The following RGCC variants were observed in gnomAD, a reference collection of about 807,000 sequenced individuals.
RGCC encodes the protein regulator of cell cycle RGCC.
Under a neutral mutation model 15.4 loss-of-function variants are expected in RGCC, and 15 were observed. That is an observed-to-expected ratio of 0.97 (90% CI 0.65 to 1.50). RGCC has a LOEUF of 1.50. Among genes scored for constraint, RGCC ranks in the 40% most tolerant of loss-of-function variants. The probability of loss-of-function intolerance (pLI) is 0.00; values close to 1 mark genes in which losing one functional copy is unlikely to be tolerated. For missense variants in RGCC, 176 were observed against 189.7 expected (o/e 0.93, Z 0.42); for synonymous variants, 81 against 78.0 (o/e 1.04, Z -0.20).
rs1352372330 is a variant in RGCC at position 41,458,067 on chromosome 13, A to G, written c.50-218A>G. 3.3e-5 allele frequency among the ~76,000 whole-genome samples: 5 copies of G among 152,300 alleles called. No individual in the cohort carries two copies. Among genetic ancestry groups the G allele is most frequent in the South Asian group, 2.1e-4 (1 of 4,832 alleles). On this transcript the variant is annotated intron_variant, in intron 1 of 4. Transcript: ENST00000379359. The surrounding 1 kb of genome is among the most constrained non-coding windows in gnomAD (Gnocchi z 4.4). ...CGCTGGGTGACCCTGGGCCTGGCGA[A>G]GGCTCAGTTTTCTTGTCTGTAAAAC... is the stretch of plus-strand genomic sequence containing the variant.
intron 4 of RGCC, 39 bp downstream of exon 4, chr13:41,468,877 A>C: frequency 7.1e-7 from 1 of 1,405,782 alleles, no homozygotes; most frequent in Non-Finnish European, 9.9e-7. Context: ...AAAAACAAAA[A>C]ACTAACAGAC....
chr13:41,461,489 C>A (rs767218833), intron 2 of RGCC, among the ~76,000 whole-genome samples: 10 of 152,076 alleles, frequency 6.6e-5, no homozygotes, highest in Admixed American at 6.5e-4. Context: ...AAGTTTTAAC[C>A]AGTGTGTTGA....
Position 41,458,376 on chromosome 13 carries a change from C to G in RGCC, c.141C>G (p.His47Gln). 1 of 1,597,864 alleles carries G rather than the reference C, an allele frequency of 6.3e-7. No individual in the cohort carries two copies. Among genetic ancestry groups the G allele is most frequent in the Non-Finnish European group, 8.5e-7 (1 of 1,177,670 alleles). The change falls in exon 2 of 5, where the codon CAC (histidine) becomes CAG (glutamine). Residue 47 changes from histidine to glutamine, a missense_variant. Coordinates refer to ENST00000379359, the MANE Select transcript of RGCC (RefSeq NM_014059.3). The surrounding 1 kb of genome is among the most constrained non-coding windows in gnomAD (Gnocchi z 4.4). ...AVLADFASPF[H>Q]ERHFHYEEHL... ...TGGCCGACTTCGCGTCGCCCTTCCA[C>G]GAGCGCCACTTCCACTACGAGGAGC... is the stretch of plus-strand genomic sequence containing the variant.
In RGCC at chr13:41,458,499, C is replaced by G; in HGVS notation, c.235+29C>G. The G allele has an allele frequency of 3.2e-6, 5 of 1,573,340 alleles. No homozygotes were observed. Among genetic ancestry groups the G allele is most frequent in the Non-Finnish European group, 4.3e-6 (5 of 1,165,582 alleles). ...AGTGCGGCCCCCGCTAGGATGGCGC[C>G]GGGATCTCCCAGCTCCCAGGACCTG... is the stretch of plus-strand genomic sequence containing the variant. On this transcript the variant is annotated intron_variant, in intron 2 of 4. Transcript: ENST00000379359. This position sits in a 1 kb window ranked among gnomAD's most constrained non-coding sequence, Gnocchi z 4.4.
At chr13:41,465,632 G>A (rs2043843512) in intron 2 of RGCC, among the ~76,000 whole-genome samples, 1 of 152,184 alleles carries the variant, frequency 6.6e-6, no homozygotes, top group South Asian at 2.1e-4. Context: ...TGAACTTCTG[G>A]GGCCTCATCT....
Position 41,470,723 on chromosome 13 carries a change from C to T in RGCC, c.*238C>T. The stretch of plus-strand genomic sequence containing the variant: ...AGCATATTAGAACAGACGATCCATG[C>T]TAATATTGTATTTTCTCTTAAAACA... On this transcript the variant is annotated 3_prime_UTR_variant, in exon 5 of 5. Transcript: ENST00000379359. 2 of 438,776 alleles carry T rather than the reference C, an allele frequency of 4.6e-6. No individual in the cohort carries two copies. The highest frequency in any genetic ancestry group is 1.1e-4 in the South Asian group (2 of 17,790). 27.2% of individuals were successfully genotyped at this position (438,776 alleles called of 1,614,324 possible). A position where few individuals can be genotyped will look rare whatever the true frequency, so the allele number is the denominator to read the frequency against.
At chr13:41,463,554 T>C (rs1175021941) in intron 2 of RGCC, among the ~76,000 whole-genome samples, 1 of 151,996 alleles carries the variant, frequency 6.6e-6, no homozygotes, top group African/African-American at 2.4e-5. Context: ...TGTGCTGCCA[T>C]GCCTCTGTTT....
Position 41,458,527 on chromosome 13 carries a change from C to T in RGCC, c.235+57C>T. 1 of 1,505,056 alleles carries T rather than the reference C, an allele frequency of 6.6e-7. No individual in the cohort carries two copies. 93.2% of individuals were successfully genotyped at this position (1,505,056 alleles called of 1,614,324 possible). The stretch of plus-strand genomic sequence containing the variant: ...GATCTCCCAGCTCCCAGGACCTGCC[C>T]CGCGAAGGCTGCGGCCTCAGTTTTC... On this transcript the variant is annotated intron_variant, in intron 2 of 4. Coordinates refer to ENST00000379359, the MANE Select transcript of RGCC (RefSeq NM_014059.3). The surrounding 1 kb of genome is among the most constrained non-coding windows in gnomAD (Gnocchi z 4.4).
In RGCC at chr13:41,468,640, A is replaced by T. The variant is rs552531616; in HGVS notation, c.344-136A>T. ...AAAGTCTCTGAAGATAAGGAGGTAG[A>T]TGTAAAATAGAAATAATCCATTCTA... On this transcript the variant is annotated intron_variant, in intron 3 of 4. Transcript: ENST00000379359. The T allele has an allele frequency of 3.1e-4, 212 of 689,282 alleles. No individual in the cohort carries two copies. In the African/African-American group the frequency reaches 3.7e-3, roughly 12 times the overall value. The allele number at this position is 689,282 out of a possible 1,614,324, so 42.7% of individuals were successfully genotyped here. A position where few individuals can be genotyped will look rare whatever the true frequency, so the allele number is the denominator to read the frequency against.
chr13:41,457,651 C>T lies in RGCC; in HGVS notation c.-57C>T, dbSNP rs926792813. ...GGGACAGCAAGCCCCCGAATAGCCCCGGCTGCCACCTCGCAGGACCCAAGG... is the reference window on the plus strand; with the variant it reads ...GGGACAGCAAGCCCCCGAATAGCCCTGGCTGCCACCTCGCAGGACCCAAGG... On this transcript the variant is annotated 5_prime_UTR_variant, in exon 1 of 5. Coordinates refer to ENST00000379359, the MANE Select transcript of RGCC (RefSeq NM_014059.3). The surrounding 1 kb of genome is among the most constrained non-coding windows in gnomAD (Gnocchi z 4.9). 19 of 1,502,640 alleles carry T rather than the reference C, an allele frequency of 1.3e-5. No individual in the cohort carries two copies. The highest frequency in any genetic ancestry group is 1.0e-4 in the African/African-American group (7 of 68,652). The allele number at this position is 1,502,640 out of a possible 1,614,324, so 93.1% of individuals were successfully genotyped here.
chr13:41,460,797 A>G (rs1433392112), intron 2 of RGCC, among the ~76,000 whole-genome samples: 1 of 152,242 alleles, frequency 6.6e-6, no homozygotes, highest in Non-Finnish European at 1.5e-5. Flanking sequence ...GTGCTATACC[A>G]TATAGATACA....
chr13:41,457,844 C>A lies in RGCC; in HGVS notation c.49+88C>A. On this transcript the variant is annotated intron_variant, in intron 1 of 4. Transcript: ENST00000379359. The surrounding 1 kb of genome is among the most constrained non-coding windows in gnomAD (Gnocchi z 4.9). ...GGGGCCCCGTGTCGTCCCTTCACAC[C>A]CCCCACCCTTCCATCCTCCCCGGCG... The A allele has an allele frequency of 2.2e-6, 3 of 1,342,256 alleles. No individual in the cohort carries two copies. Among genetic ancestry groups the A allele is most frequent in the Non-Finnish European group, 2.9e-6 (3 of 1,044,454 alleles). The allele number at this position is 1,342,256 out of a possible 1,614,324, so 83.1% of individuals were successfully genotyped here. A position where few individuals can be genotyped will look rare whatever the true frequency, so the allele number is the denominator to read the frequency against.
At chr13:41,462,254 GT>G (rs2043825442) in intron 2 of RGCC, among the ~76,000 whole-genome samples, 1 of 152,116 alleles carries the variant, frequency 6.6e-6, no homozygotes, top group African/African-American at 2.4e-5. Context: ...GGAGCAGCAC[GT>G]TGACATGCGC....
chr13:41,464,719 C>CT (rs1266752259), intron 2 of RGCC, among the ~76,000 whole-genome samples: 12 of 152,188 alleles, frequency 7.9e-5, no homozygotes, highest in Non-Finnish European at 1.8e-4. Flanking sequence ...GACCAGCACT[C>CT]TGAGGAATGT....
intron 4 of RGCC, among the ~76,000 whole-genome samples, chr13:41,469,309 AG>A (rs1456517468): frequency 1.4e-5 from 2 of 138,532 alleles, no homozygotes; most frequent in Admixed American, 7.3e-5. Context: ...AAGAAGAAGA[AG>A]AAGAAGAAGA....
At position 41,469,936 on chromosome 13, in the gene RGCC, C is replaced by T. The variant is rs563181088; in HGVS notation, c.407-542C>T. 5.9e-5 allele frequency among the ~76,000 whole-genome samples: 9 copies of T among 152,272 alleles called. No homozygotes were observed. In the East Asian group the frequency reaches 1.3e-3, roughly 23 times the overall value. ...GATGGAAGGTTCAGCAACTCTACTACGGGGGGTCCTGTTTAGTCACAGAGT... is the reference window on the plus strand; with the variant it reads ...GATGGAAGGTTCAGCAACTCTACTATGGGGGGTCCTGTTTAGTCACAGAGT... On this transcript the variant is annotated intron_variant, in intron 4 of 4. Transcript: ENST00000379359.
chr13:41,470,426 A>G (rs369306124), intron 4 of RGCC, 52 bp from the exon 5 acceptor site: 7 of 1,592,790 alleles, frequency 4.4e-6, no homozygotes, highest in Admixed American at 3.3e-5. Flanking sequence ...GTGGTTAAGC[A>G]TAGGAATTGT....
At chr13:41,469,021 A>G (rs1486399796) in intron 4 of RGCC, among the ~76,000 whole-genome samples, 183 bp downstream of exon 4, 1 of 152,156 alleles carries the variant, frequency 6.6e-6, no homozygotes, top group Non-Finnish European at 1.5e-5. Flanking sequence ...GCACTTTGGA[A>G]GGCTGAGGTG....
intron 2 of RGCC, among the ~76,000 whole-genome samples, chr13:41,464,918 C>T (rs1190942076): frequency 4.6e-5 from 7 of 150,878 alleles, no homozygotes; most frequent in African/African-American, 7.3e-5. Context: ...GCGGTGTCAG[C>T]GAAAAAGAGC....
Sources: allele counts gnomAD v4.1 joint callset (sites outside exome capture counted in the v4.1 genomes callset), GRCh38; gene constraint gnomAD v4.1.1; non-coding constraint Gnocchi (gnomAD v3.1); transcripts MANE v1.5; gene names NCBI Gene and HGNC (gene_info 2026-07-23, HGNC 2026-07-21).